The following TNFAIP8L3 variants were observed in gnomAD, a reference collection of about 807,000 sequenced individuals.
TNFAIP8L3 encodes the protein tumor necrosis factor alpha-induced protein 8-like protein 3.
A neutral mutation model predicts 11.8 loss-of-function variants in TNFAIP8L3; 7 were observed. The observed-to-expected ratio is 0.59, with a 90% CI of 0.34 to 1.11. TNFAIP8L3 has a LOEUF of 1.11. TNFAIP8L3 is among the 50% of genes most tolerant of loss of function. The pLI is 0.03. For synonymous variants in TNFAIP8L3, 98 were observed against 103.8 expected (o/e 0.94, Z 0.34); for missense variants, 219 against 258.6 (o/e 0.85, Z 1.05).
chr15:51,076,019 T>G (rs1326087637), intron 1 of TNFAIP8L3, among the ~76,000 whole-genome samples: 1 of 152,206 alleles, frequency 6.6e-6, no homozygotes, highest in Non-Finnish European at 1.5e-5. Flanking sequence ...CTACTTGATT[T>G]TTTTTTTAGT....
At chr15:51,070,821 C>T (rs1400164924) in intron 1 of TNFAIP8L3, among the ~76,000 whole-genome samples, 2 of 150,894 alleles carry the variant, frequency 1.3e-5, no homozygotes, top group East Asian at 1.9e-4. Flanking sequence ...CCAAGGCGGG[C>T]GGATCACGAG....
intron 1 of TNFAIP8L3, among the ~76,000 whole-genome samples, chr15:51,091,500 G>A (rs1259917284): frequency 1.3e-5 from 2 of 152,278 alleles, no homozygotes; most frequent in South Asian, 2.1e-4. Context: ...AAGAAGAAAC[G>A]CTTTCATCTC....
intron 1 of TNFAIP8L3, among the ~76,000 whole-genome samples, chr15:51,061,842 A>G (rs1157450782): frequency 6.6e-6 from 1 of 152,214 alleles, no homozygotes; most frequent in East Asian, 1.9e-4. Flanking sequence ...TAAGAAATGA[A>G]GTTTTATTGG....
At chr15:51,086,419 C>T (rs2065427963) in intron 1 of TNFAIP8L3, among the ~76,000 whole-genome samples, 1 of 152,196 alleles carries the variant, frequency 6.6e-6, no homozygotes, top group African/African-American at 2.4e-5. Context: ...ATGTCTGCAG[C>T]TTAAAGCAGG....
chr15:51,094,695 C>T lies in TNFAIP8L3; in HGVS notation c.-100G>A. The T allele has an allele frequency of 9.4e-7, 1 of 1,062,330 alleles. No individual in the cohort carries two copies. Among genetic ancestry groups the T allele is most frequent in the Non-Finnish European group, 1.1e-6 (1 of 882,340 alleles). 65.8% of individuals were successfully genotyped at this position (1,062,330 alleles called of 1,614,324 possible). On this transcript the variant is annotated 5_prime_UTR_variant, in exon 1 of 2. Coordinates refer to ENST00000637513, the MANE Select transcript of TNFAIP8L3 (RefSeq NM_001311175.2). This position sits in a 1 kb window ranked among gnomAD's most constrained non-coding sequence, Gnocchi z 4.4. ...GGGCGGACAGCGGGGCGGCTGGAGC[C>T]CGGGCGGCGCGGGCGGCGCGGGCTG...
chr15:51,086,114 T>C lies in TNFAIP8L3; in HGVS notation c.52+8430A>G, dbSNP rs573352596. On this transcript the variant is annotated intron_variant, in intron 1 of 1. Transcript: ENST00000637513. ...ATTGTATATCTGAAATGATTCTAAA[T>C]GCTGGGGTGAAAAAAAGGGCTTAGG... Among the ~76,000 whole-genome samples the C allele has an allele frequency of 3.3e-5, 5 of 151,922 alleles. No homozygotes were observed. The East Asian group carries it at 7.7e-4, about 23-fold the overall frequency.
intron 1 of TNFAIP8L3, among the ~76,000 whole-genome samples, chr15:51,079,855 C>CAAAAAAAAAAAAAAAAAA (rs10602536): frequency 1.0e-4 from 8 of 77,578 alleles, no homozygotes; most frequent in African/African-American, 1.6e-4. Flanking sequence ...GACTTTGTCT[C>CAAAAAAAAAAAAAAAAAA]AAAAAAAAAA....
intron 1 of TNFAIP8L3, among the ~76,000 whole-genome samples, chr15:51,065,751 T>A (rs543800734): frequency 2.6e-5 from 4 of 152,202 alleles, no homozygotes; most frequent in Non-Finnish European, 5.9e-5. Flanking sequence ...TAAGTGTGGA[T>A]AGCTGTGTCA....
chr15:51,062,464 T>C (rs1033215083), intron 1 of TNFAIP8L3, among the ~76,000 whole-genome samples: 3 of 152,134 alleles, frequency 2.0e-5, no homozygotes, highest in African/African-American at 7.2e-5. Context: ...GTAGATGAGT[T>C]TGTATATTAG....
intron 1 of TNFAIP8L3, among the ~76,000 whole-genome samples, chr15:51,075,673 C>T (rs575067694): frequency 1.6e-4 from 25 of 152,312 alleles, no homozygotes; most frequent in African/African-American, 5.8e-4. Flanking sequence ...AATTAGTAAA[C>T]AGTCTAATGC....
At chr15:51,067,396 G>A (rs1266070869) in intron 1 of TNFAIP8L3, among the ~76,000 whole-genome samples, 2 of 152,126 alleles carry the variant, frequency 1.3e-5, no homozygotes, top group African/African-American at 2.4e-5. Flanking sequence ...CAGGAAGCAG[G>A]CAGCTTGTGG....
In TNFAIP8L3 at chr15:51,085,745, A is replaced by G. The variant is rs574174384; in HGVS notation, c.52+8799T>C. Among the ~76,000 whole-genome samples the G allele has an allele frequency of 4.2e-4, 64 of 152,218 alleles. 1 individual carries two copies. The highest frequency in any genetic ancestry group is 1.5e-3 in the African/African-American group (63 of 41,548). On this transcript the variant is annotated intron_variant, in intron 1 of 1. Coordinates refer to ENST00000637513, the MANE Select transcript of TNFAIP8L3 (RefSeq NM_001311175.2). Reference sequence around the variant, plus strand: ...AAAATGTTTTTAGCATCCCAGGTCAACATTTCAGAAACAGGACTCTCATTC... The same window carrying G: ...AAAATGTTTTTAGCATCCCAGGTCAGCATTTCAGAAACAGGACTCTCATTC...
At chr15:51,098,910 G>A (rs570358608), upstream of TNFAIP8L3, among the ~76,000 whole-genome samples, 1 of 152,310 alleles carries the variant, frequency 6.6e-6, no homozygotes, top group East Asian at 1.9e-4. Context: ...TTGTTGAGCA[G>A]TTAGGTTGTT....
chr15:51,079,504 A>G (rs1369709787), intron 1 of TNFAIP8L3, among the ~76,000 whole-genome samples: 1 of 152,186 alleles, frequency 6.6e-6, no homozygotes, highest in African/African-American at 2.4e-5. Flanking sequence ...ATGACATTTT[A>G]TTGAAATGCA....
upstream of TNFAIP8L3, among the ~76,000 whole-genome samples, chr15:51,095,061 T>TA (rs1319747516): frequency 6.6e-6 from 1 of 151,976 alleles, no homozygotes; most frequent in African/African-American, 2.4e-5. Context: ...GCCAAGTTTG[T>TA]AAAATTACTA....
At chr15:51,064,151 C>T (rs923038213) in intron 1 of TNFAIP8L3, among the ~76,000 whole-genome samples, 1 of 152,180 alleles carries the variant, frequency 6.6e-6, no homozygotes, top group Admixed American at 6.5e-5. Context: ...GAAAAGACAA[C>T]AACCAAGTAG....
At chr15:51,064,050 G>A (rs1386295939) in intron 1 of TNFAIP8L3, among the ~76,000 whole-genome samples, 4 of 152,134 alleles carry the variant, frequency 2.6e-5, no homozygotes, top group Admixed American at 6.6e-5. Flanking sequence ...GAGGGTCACC[G>A]GGATAGCATC....
At chr15:51,059,837 C>T (rs1032232741) in intron 1 of TNFAIP8L3, among the ~76,000 whole-genome samples, 4 of 152,242 alleles carry the variant, frequency 2.6e-5, no homozygotes, top group South Asian at 2.1e-4. Flanking sequence ...GACAGAGCGA[C>T]GGCCACATGC....
At chr15:51,072,420 C>T (rs1456984349) in intron 1 of TNFAIP8L3, among the ~76,000 whole-genome samples, 1 of 152,188 alleles carries the variant, frequency 6.6e-6, no homozygotes, top group Non-Finnish European at 1.5e-5. Flanking sequence ...AGATTATAGG[C>T]ATAAGCCACC....
Sources: gnomAD v4.1 joint callset for allele counts (sites outside exome capture counted in the v4.1 genomes callset) on GRCh38, gnomAD v4.1.1 for gene constraint, Gnocchi (gnomAD v3.1) non-coding constraint, MANE v1.5 for transcripts, NCBI Gene and HGNC (gene_info 2026-07-23, HGNC 2026-07-21) for gene names.